PBX3: variants seen among roughly 807,000 people sequenced by gnomAD.
The protein encoded by PBX3 is PBX homeobox 3.
Under a neutral mutation model 48.5 loss-of-function variants are expected in PBX3, and 14 were observed. The ratio of observed to expected loss-of-function variants is 0.29; its 90% confidence interval spans 0.19 to 0.45. PBX3 has a LOEUF of 0.45. Ranked by LOEUF, PBX3 falls within the 20% of genes least tolerant of loss-of-function variation. The pLI, the probability that PBX3 is intolerant of heterozygous loss-of-function variation, is 1.00. For missense variants in PBX3, 386 were observed against 546.7 expected (o/e 0.71, Z 2.93); for synonymous variants, 210 against 200.3 (o/e 1.05, Z -0.41).
intron 5 of PBX3, among the ~76,000 whole-genome samples, chr9:125,948,442 A>G (rs1842112303): frequency 6.6e-6 from 1 of 152,226 alleles, no homozygotes; most frequent in Non-Finnish European, 1.5e-5. Context: ...ACAGATAACT[A>G]GAAAGTAACA....
chr9:125,762,041 G>A (rs1384357759), intron 2 of PBX3, among the ~76,000 whole-genome samples: 2 of 152,068 alleles, frequency 1.3e-5, no homozygotes, highest in Non-Finnish European at 2.9e-5. Context: ...ATTTTTGCAG[G>A]GGCAGTTTAT....
At chr9:125,790,086 A>T (rs1013793688) in intron 2 of PBX3, among the ~76,000 whole-genome samples, 23 of 152,328 alleles carry the variant, frequency 1.5e-4, no homozygotes, top group African/African-American at 5.3e-4. Flanking sequence ...CGTGGATTAA[A>T]ATAAGAGGAA....
At chr9:125,832,457 AGT>A (rs966614212) in intron 2 of PBX3, among the ~76,000 whole-genome samples, 2 of 152,206 alleles carry the variant, frequency 1.3e-5, no homozygotes, top group African/African-American at 4.8e-5. Flanking sequence ...GGCCTCCCAA[AGT>A]GCTGGGATTA....
At chr9:125,796,811 G>A (rs577046821) in intron 2 of PBX3, among the ~76,000 whole-genome samples, 38 of 152,072 alleles carry the variant, frequency 2.5e-4, no homozygotes, top group African/African-American at 3.9e-4. Context: ...ATAATACACC[G>A]TAAGGACTAT....
intron 6 of PBX3, 77 bp downstream of exon 6, chr9:125,960,926 C>A: frequency 1.9e-6 from 2 of 1,067,938 alleles, no homozygotes; most frequent in Non-Finnish European, 2.7e-6. Context: ...GGCCAGGAAA[C>A]AAGAGCCATA....
chr9:125,747,704 C>T (rs1588110848), intron 1 of PBX3, 51 bp downstream of exon 1: 4 of 1,412,040 alleles, frequency 2.8e-6, no homozygotes, highest in Non-Finnish European at 3.8e-6. Flanking sequence ...GAGCCGGGCC[C>T]GCGGCCGAGT....
chr9:125,795,690 A>G (rs1350622866), intron 2 of PBX3, among the ~76,000 whole-genome samples: 1 of 152,188 alleles, frequency 6.6e-6, no homozygotes, highest in Non-Finnish European at 1.5e-5. Context: ...TGGTATTGAC[A>G]CTGTAAGACC....
intron 2 of PBX3, 97 bp from the exon 3 acceptor site, chr9:125,915,589 T>G: frequency 1.2e-6 from 1 of 855,896 alleles, no homozygotes; most frequent in Non-Finnish European, 1.8e-6. Context: ...TACACTGATG[T>G]TGTTTGATCA....
chr9:125,833,351 G>A (rs893754257), intron 2 of PBX3, among the ~76,000 whole-genome samples: 7 of 152,050 alleles, frequency 4.6e-5, no homozygotes, highest in African/African-American at 1.7e-4. Context: ...GGGCGTGGTG[G>A]TGCACACCTG....
At chr9:125,783,131 T>C (rs1837365657) in intron 2 of PBX3, among the ~76,000 whole-genome samples, 2 of 152,190 alleles carry the variant, frequency 1.3e-5, no homozygotes, top group Admixed American at 1.3e-4. Context: ...TTGTCAAATA[T>C]TATTTCCGTC....
At chr9:125,818,824 T>C (rs975384683) in intron 2 of PBX3, among the ~76,000 whole-genome samples, 1 of 151,732 alleles carries the variant, frequency 6.6e-6, no homozygotes, top group Non-Finnish European at 1.5e-5. Flanking sequence ...ATTTTGAAGA[T>C]GATGATGATG....
intron 2 of PBX3, among the ~76,000 whole-genome samples, chr9:125,879,042 T>A (rs1215840790): frequency 1.3e-5 from 2 of 151,882 alleles, no homozygotes; most frequent in Non-Finnish European, 2.9e-5. Flanking sequence ...TCAAAACTTT[T>A]CCAGTGAATG....
intron 2 of PBX3, among the ~76,000 whole-genome samples, chr9:125,790,076 C>T (rs1837557383): frequency 6.6e-6 from 1 of 151,942 alleles, no homozygotes; most frequent in African/African-American, 2.4e-5. Context: ...CAAAGAAATA[C>T]GTGGATTAAA....
At chr9:125,937,704 A>T (rs1027647896) in intron 5 of PBX3, among the ~76,000 whole-genome samples, 3 of 152,212 alleles carry the variant, frequency 2.0e-5, no homozygotes, top group Admixed American at 2.0e-4. Context: ...TCTGTCACAC[A>T]GGCTGGAGTG....
intron 2 of PBX3, among the ~76,000 whole-genome samples, chr9:125,878,273 G>C (rs930513901): frequency 2.0e-5 from 3 of 152,192 alleles, no homozygotes; most frequent in Non-Finnish European, 4.4e-5. Flanking sequence ...CAGCTTGGAG[G>C]GGGGTAAGAG....
chr9:125,880,534 A>G (rs1425790054), intron 2 of PBX3, among the ~76,000 whole-genome samples: 3 of 152,202 alleles, frequency 2.0e-5, no homozygotes, highest in Admixed American at 2.0e-4. Flanking sequence ...TCCAGCTGAC[A>G]GTAATGTTCT....
At chr9:125,841,948 G>C (rs115491517) in intron 2 of PBX3, among the ~76,000 whole-genome samples, 267 of 152,226 alleles carry the variant, frequency 1.8e-3, no homozygotes, top group African/African-American at 6.1e-3. Context: ...CAAAAATCTA[G>C]ATGAAAAATT....
intron 2 of PBX3, among the ~76,000 whole-genome samples, chr9:125,775,493 A>C (rs1837048768): frequency 2.0e-5 from 3 of 152,198 alleles, no homozygotes; most frequent in Admixed American, 6.5e-5. Context: ...CCATTTGTTG[A>C]AGATACTATT....
chr9:125,768,871 C>T (rs1187329407), intron 2 of PBX3, among the ~76,000 whole-genome samples: 4 of 152,106 alleles, frequency 2.6e-5, no homozygotes, highest in South Asian at 2.1e-4. Context: ...TTATTATTAG[C>T]GCCAAAACTG....
Sources: gnomAD v4.1 joint callset for allele counts (sites outside exome capture counted in the v4.1 genomes callset) on GRCh38, gnomAD v4.1.1 for gene constraint, MANE v1.5 for transcripts, NCBI Gene and HGNC (gene_info 2026-07-23, HGNC 2026-07-21) for gene names.